The following HAUS2 variants were observed in gnomAD, a reference collection of about 807,000 sequenced individuals.
HAUS2 encodes HAUS augmin-like complex subunit 2.
In HAUS2, 20 loss-of-function variants were observed where a neutral mutation model predicts 21.6. The ratio of observed to expected loss-of-function variants is 0.93; its 90% CI spans 0.65 to 1.35. The LOEUF (loss-of-function observed/expected upper bound fraction) is 1.35. HAUS2 is among the 40% of genes most tolerant of loss of function. The pLI, the probability that HAUS2 is intolerant of heterozygous loss-of-function variation, is 0.00. For synonymous variants in HAUS2, 113 were observed against 95.6 expected, an observed-to-expected ratio of 1.18 and a Z score of -1.06; for missense variants, 297 against 280.7, an observed-to-expected ratio of 1.06 and a Z score of -0.42.
intron 1 of HAUS2, among the ~76,000 whole-genome samples, chr15:42,556,485 G>C (rs889668108): frequency 6.6e-6 from 1 of 151,152 alleles, no homozygotes; most frequent in African/African-American, 2.4e-5. Flanking sequence ...GGCTGGTCTT[G>C]AACTCCTGAC....
intron 4 of HAUS2, among the ~76,000 whole-genome samples, chr15:42,562,392 C>T (rs964996191): frequency 6.6e-6 from 1 of 152,034 alleles, no homozygotes; most frequent in East Asian, 1.9e-4. Context: ...GCCAGGAGTT[C>T]AAGACCAGCC....
chr15:42,566,339 T>C (rs1028778012), intron 5 of HAUS2, among the ~76,000 whole-genome samples: 8 of 152,234 alleles, frequency 5.3e-5, no homozygotes, highest in Non-Finnish European at 7.3e-5. Context: ...ACCAGTAGTC[T>C]TAAATGTGGG....
chr15:42,564,228 T>G (rs2057882617), intron 5 of HAUS2, among the ~76,000 whole-genome samples: 1 of 146,754 alleles, frequency 6.8e-6, no homozygotes, highest in Non-Finnish European at 1.5e-5. Flanking sequence ...ATCGTGCCAG[T>G]GCACTCCATC....
At chr15:42,550,897 G>C (rs879873603) in intron 1 of HAUS2, among the ~76,000 whole-genome samples, 4 of 151,954 alleles carry the variant, frequency 2.6e-5, no homozygotes, top group East Asian at 1.9e-4. Context: ...TCGATCTCCT[G>C]ACCTCGTGAT....
intron 4 of HAUS2, among the ~76,000 whole-genome samples, chr15:42,561,983 C>G (rs1207377442): frequency 6.6e-6 from 1 of 151,880 alleles, no homozygotes; most frequent in Non-Finnish European, 1.5e-5. Context: ...TAAATACTAG[C>G]CTGGACAACA....
At chr15:42,550,339 A>G (rs1288001234) in intron 1 of HAUS2, among the ~76,000 whole-genome samples, 2 of 151,850 alleles carry the variant, frequency 1.3e-5, no homozygotes, top group African/African-American at 4.8e-5. Flanking sequence ...CGGAAAATAC[A>G]TAACTTTTTA....
intron 5 of HAUS2, among the ~76,000 whole-genome samples, chr15:42,566,034 C>T (rs1374491277): frequency 6.6e-6 from 1 of 152,102 alleles, no homozygotes; most frequent in African/African-American, 2.4e-5. Flanking sequence ...AACCCCGTCT[C>T]TACTAAAAAT....
At chr15:42,559,433 A>G in intron 3 of HAUS2, 25 bp downstream of exon 3, 2 of 1,359,646 alleles carry the variant, frequency 1.5e-6, no homozygotes, top group Non-Finnish European at 2.1e-6. Context: ...TAAGTGGATA[A>G]TCACTGGAAT....
At position 42,567,006 on chromosome 15, in the gene HAUS2, A is replaced by G. The variant is rs2057913606; in HGVS notation, c.*190A>G. ...TTTGTTTTTCATATATTTTTATTCT[A>G]CCTTTCAGTAAAACTAGAGAAGCTA... On this transcript the variant is annotated 3_prime_UTR_variant, in exon 6 of 6. Coordinates refer to ENST00000260372, the MANE Select transcript of HAUS2 (RefSeq NM_018097.3). The G allele has an allele frequency of 2.3e-6, 1 of 431,270 alleles. No homozygotes were observed. Among genetic ancestry groups the G allele is most frequent in the Non-Finnish European group, 4.1e-6 (1 of 241,880 alleles). 26.7% of individuals were successfully genotyped at this position (431,270 alleles called of 1,614,324 possible).
chr15:42,561,525 G>A, intron 4 of HAUS2, 123 bp downstream of exon 4: 1 of 646,188 alleles, frequency 1.5e-6, no homozygotes, highest in Non-Finnish European at 2.7e-6. Flanking sequence ...CATTATTAAT[G>A]GTGATATATT....
At chr15:42,563,112 CA>C (rs1250346160) in intron 4 of HAUS2, among the ~76,000 whole-genome samples, 7,499 of 104,342 alleles carry the variant, frequency 0.072, 588 homozygotes, top group African/African-American at 0.22. Flanking sequence ...GACTCTGTCT[CA>C]AAAAAAAAAA....
Position 42,566,659 on chromosome 15 carries a change from C to G in HAUS2, c.551C>G (p.Ala184Gly), listed in dbSNP as rs867861574. The G allele has an allele frequency of 6.2e-7, 1 of 1,608,218 alleles. No individual in the cohort carries two copies. The highest frequency in any genetic ancestry group is 1.7e-5 in the Admixed American group (1 of 59,982). ...TTGGTGACTGAGACAGAAGAACTGG[C>G]AGAGAATATACTCAAGTGGCGTAAA... ...DILVTETEELAENILKWRKQQ... is the reference protein window; with the variant it reads ...DILVTETEELGENILKWRKQQ... The change falls in exon 6 of 6, where the codon GCA becomes GGA. Residue 184 changes from alanine (A) to glycine (G), a missense_variant. By Grantham distance (60) the Ala-to-Gly change is moderately conservative. Transcript: ENST00000260372.
chr15:42,566,200 CAAAA>C (rs796423256), intron 5 of HAUS2, among the ~76,000 whole-genome samples: 5 of 118,484 alleles, frequency 4.2e-5, no homozygotes, highest in African/African-American at 1.6e-4. Context: ...GACACCATCT[CAAAA>C]AAAAAAAAAA....
intron 1 of HAUS2, among the ~76,000 whole-genome samples, chr15:42,557,730 G>C (rs2057802468): frequency 6.6e-6 from 1 of 151,800 alleles, no homozygotes; most frequent in East Asian, 1.9e-4. Context: ...ATGAGAATGT[G>C]AACATACACA....
chr15:42,559,544 A>G (rs572189853), intron 3 of HAUS2, 136 bp downstream of exon 3: 1 of 621,890 alleles, frequency 1.6e-6, no homozygotes, highest in East Asian at 2.8e-5. Flanking sequence ...GAAATCTTGT[A>G]TTTCTATGCT....
chr15:42,558,314 C>CTTTTTTTTTTATTTTT, intron 2 of HAUS2, 24 bp downstream of exon 2: 1 of 373,890 alleles, frequency 2.7e-6, no homozygotes, highest in South Asian at 2.8e-5. Flanking sequence ...TTTTCACTTT[C>CTTTTTTTTTTATTTTT]TTTTTTTTTT....
intron 1 of HAUS2, among the ~76,000 whole-genome samples, chr15:42,550,637 T>C (rs2057715449): frequency 6.6e-6 from 1 of 152,150 alleles, no homozygotes; most frequent in Non-Finnish European, 1.5e-5. Flanking sequence ...ACCACAGCAC[T>C]CTACAGTGTA....
Position 42,558,314 on chromosome 15 carries a change from C to CTTTTT in HAUS2, c.186+44_186+48dup, listed in dbSNP as rs547363768. ...AGGTAAATCATTTTGTTTTCACTTTCTTTTTTTTTTTTTTTTTTTTTTTTG... is the reference window on the plus strand; with the variant it reads ...AGGTAAATCATTTTGTTTTCACTTTCTTTTTTTTTTTTTTTTTTTTTTTTTTTTTG... On this transcript the variant is annotated intron_variant, in intron 2 of 5. Coordinates refer to ENST00000260372, the MANE Select transcript of HAUS2 (RefSeq NM_018097.3). The CTTTTT allele has an allele frequency of 3.7e-3, 1,392 of 374,862 alleles. 1 individual carries two copies. The highest frequency in any genetic ancestry group is 6.1e-3 in the East Asian group (80 of 13,188). 23.2% of individuals were successfully genotyped at this position (374,862 alleles called of 1,614,324 possible). A position where few individuals can be genotyped will look rare whatever the true frequency, so the allele number is the denominator to read the frequency against.
intron 3 of HAUS2, 107 bp downstream of exon 3, chr15:42,559,515 G>C (rs575219116): frequency 1.0e-5 from 7 of 701,628 alleles, no homozygotes; most frequent in Non-Finnish European, 1.5e-5. Context: ...ATTTTTCCAG[G>C]TGTTGTCCCA....
Sources: gnomAD v4.1 joint callset for allele counts (sites outside exome capture counted in the v4.1 genomes callset) on GRCh38, gnomAD v4.1.1 for gene constraint, MANE v1.5 for transcripts, NCBI Gene and HGNC (gene_info 2026-07-23, HGNC 2026-07-21) for gene names.